The following KLC1 variants were observed in gnomAD, a reference collection of about 807,000 sequenced individuals.
KLC1 encodes kinesin light chain 1, also known as kinesin 2 60/70kDa.
A neutral mutation model predicts 84.2 loss-of-function variants in KLC1; 30 were observed. That is an observed-to-expected ratio of 0.36 (90% CI 0.27 to 0.48). KLC1 has a LOEUF of 0.48. Ranked by LOEUF, KLC1 falls within the 20% of genes least tolerant of loss-of-function variation. KLC1 has a pLI of 0.99. For synonymous variants in KLC1, 289 were observed against 293.3 expected (o/e 0.99, Z 0.15); for missense variants, 499 against 805.4 (o/e 0.62, Z 4.60).
intron 5 of KLC1, among the ~76,000 whole-genome samples, chr14:103,669,113 T>C (rs2080155567): frequency 6.6e-6 from 1 of 151,962 alleles, no homozygotes; most frequent in Non-Finnish European, 1.5e-5. Flanking sequence ...GCTTAACTTT[T>C]ATTTCTGTAG....
chr14:103,701,280 G>A lies in KLC1; in HGVS notation c.*81G>A. The A allele has an allele frequency of 6.8e-7, 1 of 1,481,360 alleles. No individual in the cohort carries two copies. The allele number at this position is 1,481,360 out of a possible 1,614,324, so 91.8% of individuals were successfully genotyped here. ...GGCCCGGGACAGCCAGGGCGGCAGG[G>A]AGGGCCCCTGGCCGGGAGCCGCAGC... On this transcript the variant is annotated 3_prime_UTR_variant, in exon 17 of 17. Coordinates refer to ENST00000334553, the MANE Select transcript of KLC1 (RefSeq NM_001394837.1).
chr14:103,695,927 G>T (rs1439075310), intron 15 of KLC1: 2 of 985,344 alleles, frequency 2.0e-6, no homozygotes, highest in African/African-American at 3.5e-5. Flanking sequence ...TAGAAGTGCG[G>T]TGATTTCAGC....
In KLC1 at chr14:103,700,635, C is replaced by T. The variant is rs753857382; in HGVS notation, c.1849-20C>T. ...CCGCCTGCACGCCCTGAGTGAAACTCGTCTGTGCTTCATCTCCAGGGCGTC... is the reference window on the plus strand; with the variant it reads ...CCGCCTGCACGCCCTGAGTGAAACTTGTCTGTGCTTCATCTCCAGGGCGTC... On this transcript the variant is annotated intron_variant, in intron 15 of 16. Coordinates refer to ENST00000334553, the MANE Select transcript of KLC1 (RefSeq NM_001394837.1). 6.2e-6 allele frequency: 10 copies of T among 1,600,990 alleles called. No individual in the cohort carries two copies. The highest frequency in any genetic ancestry group is 3.3e-5 in the South Asian group (3 of 90,022).
chr14:103,672,672 C>T (rs2080508126), intron 7 of KLC1, among the ~76,000 whole-genome samples: 1 of 152,162 alleles, frequency 6.6e-6, no homozygotes, highest in Non-Finnish European at 1.5e-5. Context: ...CTCACATAGC[C>T]TTTACAAAGC....
intron 15 of KLC1, chr14:103,698,751 G>T (rs376407692): frequency 2.0e-6 from 3 of 1,532,514 alleles, no homozygotes; most frequent in Middle Eastern, 2.2e-4. Context: ...CCCGAGCCCC[G>T]TGTGTCGGGG....
Position 103,670,302 on chromosome 14 carries a change from G to C in KLC1, c.987+19G>C, listed in dbSNP as rs113502597. On this transcript the variant is annotated intron_variant, in intron 7 of 16. Coordinates refer to ENST00000334553, the MANE Select transcript of KLC1 (RefSeq NM_001394837.1). The stretch of plus-strand genomic sequence containing the variant: ...AGAAAAGGTACAAAAGAAGGGGGCA[G>C]TCGTTTTCTTTGAGATTTTTGTTTT... The C allele has an allele frequency of 1.9e-6, 3 of 1,543,288 alleles. No individual in the cohort carries two copies. In the African/African-American group the frequency reaches 4.2e-5, roughly 21 times the overall value.
At chr14:103,633,031 A>T (rs2076800660) in intron 1 of KLC1, among the ~76,000 whole-genome samples, 2 of 151,904 alleles carry the variant, frequency 1.3e-5, no homozygotes, top group African/African-American at 4.8e-5. Context: ...GTCTGCTTTC[A>T]TTCTGAGGTT....
intron 13 of KLC1, chr14:103,683,097 CAA>C (rs763235266): frequency 2.0e-5 from 3 of 152,152 alleles, no homozygotes; most frequent in Admixed American, 1.3e-4. Flanking sequence ...ACATTGAAAA[CAA>C]AGAGTTATGT....
At chr14:103,644,244 ATT>A (rs1438916612) in intron 1 of KLC1, among the ~76,000 whole-genome samples, 1 of 139,376 alleles carries the variant, frequency 7.2e-6, no homozygotes, top group Non-Finnish European at 1.6e-5. Context: ...GCCTAAAGTT[ATT>A]CTCGATTCTT....
At chr14:103,640,722 A>G (rs555643003) in intron 1 of KLC1, among the ~76,000 whole-genome samples, 254 of 151,998 alleles carry the variant, frequency 1.7e-3, no homozygotes, top group African/African-American at 5.0e-3. Flanking sequence ...ATCAAGTTAT[A>G]TATGTATTTT....
intron 3 of KLC1, among the ~76,000 whole-genome samples, chr14:103,661,452 A>G: frequency 6.6e-6 from 1 of 152,164 alleles, no homozygotes; most frequent in Non-Finnish European, 1.5e-5. Flanking sequence ...TGGATTATGC[A>G]TCCCAGACAG....
intron 1 of KLC1, among the ~76,000 whole-genome samples, chr14:103,629,761 C>T (rs1467694324): frequency 6.6e-6 from 1 of 152,026 alleles, no homozygotes; most frequent in Admixed American, 6.5e-5. Flanking sequence ...GCGCGTCCTC[C>T]CCATCCGCGT....
intron 1 of KLC1, among the ~76,000 whole-genome samples, chr14:103,636,500 G>A (rs1025444883): frequency 6.6e-6 from 1 of 152,018 alleles, no homozygotes; most frequent in African/African-American, 2.4e-5. Context: ...GATTACAGGC[G>A]TGAGCCACCG....
intron 2 of KLC1, 67 bp from the exon 3 acceptor site, chr14:103,657,479 C>A: frequency 1.6e-6 from 2 of 1,284,284 alleles, no homozygotes. Context: ...ACAGAATGTT[C>A]GCACGGGTGG....
chr14:103,685,091 G>A (rs1163172253), intron 13 of KLC1: 28 of 1,532,256 alleles, frequency 1.8e-5, no homozygotes, highest in East Asian at 4.9e-5. Context: ...CTGTCGAGAC[G>A]TCGGCTTTCC....
chr14:103,699,344 A>G, intron 15 of KLC1: 1 of 1,585,246 alleles, frequency 6.3e-7, no homozygotes, highest in Non-Finnish European at 8.6e-7. Context: ...TCAGGGGTGC[A>G]ACCCTGCCTT....
intron 13 of KLC1, among the ~76,000 whole-genome samples, chr14:103,681,176 G>A (rs1043199181): frequency 2.6e-5 from 4 of 152,162 alleles, no homozygotes; most frequent in South Asian, 2.1e-4. Flanking sequence ...TGATAGCTCT[G>A]CAGGTTTGAT....
In KLC1 at chr14:103,677,967, A is replaced by C. The variant is rs2081047339; in HGVS notation, c.1488+444A>C. Among the ~76,000 whole-genome samples, 4 of 106,176 alleles carry C rather than the reference A, an allele frequency of 3.8e-5. No individual in the cohort carries two copies. The South Asian group carries it at 1.1e-3, about 28-fold the overall frequency. 69.7% of individuals were successfully genotyped at this position (106,176 alleles called of 152,430 possible). A position where few individuals can be genotyped will look rare whatever the true frequency, so the allele number is the denominator to read the frequency against. On this transcript the variant is annotated intron_variant, in intron 12 of 16. Coordinates refer to ENST00000334553, the MANE Select transcript of KLC1 (RefSeq NM_001394837.1). ...GGGTGACAGAACGAGACTCCGTCTC[A>C]ATTTAAAAAAAAAAAAAAAAGCATG...
At chr14:103,698,565 C>G (rs2082773375) in intron 15 of KLC1, 5 of 575,290 alleles carry the variant, frequency 8.7e-6, no homozygotes, top group Non-Finnish European at 1.2e-5. Flanking sequence ...GACCAGGTAC[C>G]CAGCAAGCGG....
Sources: gnomAD v4.1 joint callset for allele counts (sites outside exome capture counted in the v4.1 genomes callset) on GRCh38, gnomAD v4.1.1 for gene constraint, MANE v1.5 for transcripts, NCBI Gene and HGNC (gene_info 2026-07-23, HGNC 2026-07-21) for gene names.